The following MOB1B variants were observed in gnomAD, a reference collection of about 807,000 sequenced individuals.
MOB1B encodes the protein MOB1 Mps One Binder homolog B.
In MOB1B, 19 loss-of-function variants were observed where a neutral mutation model predicts 24.4. The observed-to-expected ratio is 0.78, with a 90% CI of 0.54 to 1.14. The LOEUF is 1.14. MOB1B is among the 50% of genes most tolerant of loss of function. The probability of loss-of-function intolerance (pLI) is 0.00; values close to 1 mark genes in which losing one functional copy is unlikely to be tolerated. For synonymous variants in MOB1B, 76 were observed against 82.1 expected, an observed-to-expected ratio of 0.93 and a Z score of 0.40; for missense variants, 243 against 259.6, an observed-to-expected ratio of 0.94 and a Z score of 0.44.
intron 2 of MOB1B, among the ~76,000 whole-genome samples, chr4:70,969,000 C>T (rs1009703936): frequency 6.6e-6 from 1 of 152,166 alleles, no homozygotes; most frequent in East Asian, 1.9e-4. Flanking sequence ...GCTTATTCTG[C>T]AGTGATGGCT....
chr4:70,966,875 T>C (rs1370173901), intron 2 of MOB1B, among the ~76,000 whole-genome samples: 2 of 150,378 alleles, frequency 1.3e-5, no homozygotes, highest in East Asian at 2.0e-4. Context: ...AGAAAAAAAA[T>C]ATAAATTGGT....
chr4:70,957,946 C>T (rs1243423400), intron 1 of MOB1B, among the ~76,000 whole-genome samples: 2 of 151,818 alleles, frequency 1.3e-5, no homozygotes, highest in Non-Finnish European at 2.9e-5. Flanking sequence ...AGCCTAGTTT[C>T]AGTTGATCCA....
chr4:70,967,287 C>T (rs951526201), intron 2 of MOB1B, among the ~76,000 whole-genome samples: 40 of 152,188 alleles, frequency 2.6e-4, no homozygotes, highest in African/African-American at 8.4e-4. Flanking sequence ...GCGCATGCTG[C>T]CATGTCCGGC....
chr4:70,910,186 G>A (rs1184282796), intron 1 of MOB1B, among the ~76,000 whole-genome samples: 3 of 151,394 alleles, frequency 2.0e-5, no homozygotes, highest in Admixed American at 1.3e-4. Context: ...GACTACAGGC[G>A]TGTGCCACCA....
chr4:70,941,047 T>C (rs1737313312), intron 1 of MOB1B, among the ~76,000 whole-genome samples: 1 of 152,234 alleles, frequency 6.6e-6, no homozygotes, highest in Non-Finnish European at 1.5e-5. Context: ...AATTTAACTG[T>C]AGTATTTTGT....
chr4:70,941,442 C>T (rs1040961811), intron 1 of MOB1B, among the ~76,000 whole-genome samples: 17 of 151,982 alleles, frequency 1.1e-4, no homozygotes, highest in Admixed American at 5.2e-4. Context: ...CCTGGGTTCA[C>T]GCCATTCTCC....
chr4:70,931,941 G>A (rs1736905739), intron 1 of MOB1B, among the ~76,000 whole-genome samples: 1 of 151,958 alleles, frequency 6.6e-6, no homozygotes, highest in Non-Finnish European at 1.5e-5. Context: ...TGTGGCCCAG[G>A]TTAGTCTCGA....
rs1235303033 is a variant in MOB1B, at chr4:70,971,438, T to G, written c.275+1414T>G. ...TTAAACCTGGGAGGTGGGGGTGAGG[T>G]TGCAGTGAGCTGAGATCGTGCCAGT... On this transcript the variant is annotated intron_variant, in intron 3 of 5. Coordinates refer to ENST00000309395, the MANE Select transcript of MOB1B (RefSeq NM_173468.4). 5.3e-5 allele frequency among the ~76,000 whole-genome samples: 8 copies of G among 151,336 alleles called. No individual in the cohort carries two copies. The East Asian group carries it at 1.6e-3, about 29-fold the overall frequency.
intron 3 of MOB1B, among the ~76,000 whole-genome samples, chr4:70,971,468 G>T (rs1037357857): frequency 6.8e-6 from 1 of 146,596 alleles, no homozygotes; most frequent in Non-Finnish European, 1.5e-5. Flanking sequence ...GCCAGTGTGT[G>T]TACTCCAGCC....
At chr4:70,958,788 C>A in intron 1 of MOB1B, 86 bp from the exon 2 acceptor site, 1 of 1,185,148 alleles carries the variant, frequency 8.4e-7, no homozygotes, top group Non-Finnish European at 1.2e-6. Context: ...TAAGCCAATA[C>A]AGTTTAGGTC....
At chr4:70,937,864 C>T (rs1380009074) in intron 1 of MOB1B, among the ~76,000 whole-genome samples, 1 of 151,902 alleles carries the variant, frequency 6.6e-6, no homozygotes, top group Non-Finnish European at 1.5e-5. Flanking sequence ...TAGGAGATTA[C>T]GTCAGTTTTA....
At chr4:70,954,930 T>C (rs901055680) in intron 1 of MOB1B, among the ~76,000 whole-genome samples, 5 of 151,744 alleles carry the variant, frequency 3.3e-5, no homozygotes, top group Non-Finnish European at 7.4e-5. Flanking sequence ...GGATTACAGG[T>C]GCACGCCATG....
At chr4:70,943,058 A>G (rs998775422) in intron 1 of MOB1B, among the ~76,000 whole-genome samples, 2 of 152,230 alleles carry the variant, frequency 1.3e-5, no homozygotes, top group Non-Finnish European at 1.5e-5. Flanking sequence ...GTGTATAGTT[A>G]AAAGAGTGTA....
At chr4:70,925,148 A>T (rs1009160871) in intron 1 of MOB1B, among the ~76,000 whole-genome samples, 2 of 152,108 alleles carry the variant, frequency 1.3e-5, no homozygotes, top group Admixed American at 1.3e-4. Context: ...GGTTCAAGTG[A>T]TTCTCCTGCC....
rs1264404395 is a variant in MOB1B, at chr4:70,959,014, A to T, written c.155A>T (p.Asp52Val). ...RMAVMLPEGE[D>V]LNEWVAVNTV... ...GCTGTCATGCTTCCTGAAGGGGAAGATCTCAATGAATGGGTTGCAGTTAAC... is the reference window on the plus strand; with the variant it reads ...GCTGTCATGCTTCCTGAAGGGGAAGTTCTCAATGAATGGGTTGCAGTTAAC... The change falls in exon 2 of 6, where the codon GAT (aspartate) becomes GTT (valine). Residue 52 changes from aspartate to valine, a missense_variant. Physicochemically the swap from Asp to Val is radical, Grantham distance 152. Transcript: ENST00000309395. 8 of 1,614,000 alleles carry T rather than the reference A, an allele frequency of 5.0e-6. No individual in the cohort carries two copies. The East Asian group carries it at 1.8e-4, about 36-fold the overall frequency.
chr4:70,940,707 G>A (rs978076923), intron 1 of MOB1B, among the ~76,000 whole-genome samples: 16 of 141,198 alleles, frequency 1.1e-4, no homozygotes, highest in African/African-American at 3.5e-4. Context: ...ACAGAGTTTC[G>A]CTCTGGTTGC....
chr4:70,935,109 T>G (rs184009970), intron 1 of MOB1B, among the ~76,000 whole-genome samples: 1 of 152,120 alleles, frequency 6.6e-6, no homozygotes. Context: ...TAAATTTTTT[T>G]GTAGAGATGA....
rs36032608 is a variant in MOB1B at position 70,966,193 on chromosome 4, AGT to A, written c.182-3735_182-3734del. ...GAATTGAATCTAGTAACATTTTAAA[AGT>A]GTATATAATACATTATGACTAAGTT... On this transcript the variant is annotated intron_variant, in intron 2 of 5. Coordinates refer to ENST00000309395, the MANE Select transcript of MOB1B (RefSeq NM_173468.4). Among the ~76,000 whole-genome samples the A allele has an allele frequency of 6.8e-3, 1,041 of 152,298 alleles. 15 individuals carry two copies. The highest frequency in any genetic ancestry group is 0.022 in the African/African-American group (908 of 41,566).
intron 1 of MOB1B, among the ~76,000 whole-genome samples, chr4:70,918,061 C>G (rs926325538): frequency 1.3e-5 from 2 of 152,138 alleles, no homozygotes; most frequent in Admixed American, 1.3e-4. Context: ...CATACATTAT[C>G]CACAAAAATA....
Sources: gnomAD v4.1 joint callset for allele counts (sites outside exome capture counted in the v4.1 genomes callset) on GRCh38, gnomAD v4.1.1 for gene constraint, MANE v1.5 for transcripts, NCBI Gene and HGNC (gene_info 2026-07-23, HGNC 2026-07-21) for gene names.